The following ARHGEF10L variants were observed in gnomAD, a reference collection of about 807,000 sequenced individuals.
ARHGEF10L encodes Rho guanine nucleotide exchange factor 10 like.
ARHGEF10L carries 69 observed loss-of-function variants against 141.2 expected under a neutral mutation model. The observed-to-expected ratio is 0.49, with a 90% CI of 0.40 to 0.60. ARHGEF10L has a LOEUF of 0.60. Ranked by LOEUF, ARHGEF10L falls within the 20% of genes least tolerant of loss-of-function variation. The pLI, the probability that ARHGEF10L is intolerant of heterozygous loss-of-function variation, is 0.00. For missense variants in ARHGEF10L, 1,482 were observed against 1,734.3 expected (o/e 0.85, Z 2.58); for synonymous variants, 711 against 718.5 (o/e 0.99, Z 0.17).
intron 4 of ARHGEF10L, among the ~76,000 whole-genome samples, chr1:17,592,631 G>A (rs1055847643): frequency 1.3e-5 from 2 of 152,182 alleles, no homozygotes; most frequent in African/African-American, 4.8e-5. Context: ...GCTAGGTGTG[G>A]GGGACATAGG....
At chr1:17,632,189 G>A in intron 15 of ARHGEF10L, 132 bp from the exon 16 acceptor site, 4 of 1,113,404 alleles carry the variant, frequency 3.6e-6, no homozygotes, top group Non-Finnish European at 3.9e-6. Flanking sequence ...GGGATGGAGG[G>A]AGTGGCTTCA....
chr1:17,603,658 G>T lies in ARHGEF10L; in HGVS notation c.433+67G>T. 7.0e-7 allele frequency: 1 copy of T among 1,423,556 alleles called. No individual in the cohort carries two copies. The highest frequency in any genetic ancestry group is 1.3e-5 in the South Asian group (1 of 75,362). The allele number at this position is 1,423,556 out of a possible 1,614,324, so 88.2% of individuals were successfully genotyped here. ...GGGAGGGAGGCTGGGACTGGGGAGG[G>T]TTGTCTCTTTCCGTTTCCTTCTGTC... On this transcript the variant is annotated intron_variant, in intron 6 of 28. Coordinates refer to ENST00000361221, the MANE Select transcript of ARHGEF10L (RefSeq NM_018125.4). The surrounding 1 kb of genome is among the most constrained non-coding windows in gnomAD (Gnocchi z 4.8).
At chr1:17,560,931 T>C (rs2077521133) in intron 1 of ARHGEF10L, among the ~76,000 whole-genome samples, 1 of 152,230 alleles carries the variant, frequency 6.6e-6, no homozygotes, top group African/African-American at 2.4e-5. Context: ...CCACAGTTTC[T>C]GTCCTCTGGG....
rs752976461 is a variant in ARHGEF10L at position 17,697,740 on chromosome 1, G to A, written c.*360G>A. 9 of 491,834 alleles carry A rather than the reference G, an allele frequency of 1.8e-5. No homozygotes were observed. Among genetic ancestry groups the A allele is most frequent in the African/African-American group, 9.7e-5 (5 of 51,660 alleles). 30.5% of individuals were successfully genotyped at this position (491,834 alleles called of 1,614,324 possible). A position where few individuals can be genotyped will look rare whatever the true frequency, so the allele number is the denominator to read the frequency against. On this transcript the variant is annotated 3_prime_UTR_variant, in exon 29 of 29. Coordinates refer to ENST00000361221, the MANE Select transcript of ARHGEF10L (RefSeq NM_018125.4). This position sits in a 1 kb window ranked among gnomAD's most constrained non-coding sequence, Gnocchi z 4.8. Reference sequence around the variant, plus strand: ...AGGGTGTGTGCGTGTGAGTGTGTGCGAGTGTGTGGGCTGGTGTGTGAATAT... The same window carrying A: ...AGGGTGTGTGCGTGTGAGTGTGTGCAAGTGTGTGGGCTGGTGTGTGAATAT...
rs2078076959 is a variant in ARHGEF10L at position 17,573,166 on chromosome 1, T to G, written c.-43-7387T>G. Among the ~76,000 whole-genome samples, 1 of 152,146 alleles carries G rather than the reference T, an allele frequency of 6.6e-6. No homozygotes were observed. Among genetic ancestry groups the G allele is most frequent in the African/African-American group, 2.4e-5 (1 of 41,422 alleles). On this transcript the variant is annotated intron_variant, in intron 1 of 28. Coordinates refer to ENST00000361221, the MANE Select transcript of ARHGEF10L (RefSeq NM_018125.4). This position sits in a 1 kb window ranked among gnomAD's most constrained non-coding sequence, Gnocchi z 4.8. ...GGGTAGGTCCCTTCCCATCTGAGCC[T>G]CAGCTTCCCTGTGTCTAAAAAGGAG...
intron 4 of ARHGEF10L, among the ~76,000 whole-genome samples, chr1:17,597,628 T>C (rs1439920706): frequency 6.6e-6 from 1 of 152,304 alleles, no homozygotes; most frequent in East Asian, 1.9e-4. Flanking sequence ...GAGGTGGTCC[T>C]GAGAGCAAGG....
intron 4 of ARHGEF10L, among the ~76,000 whole-genome samples, chr1:17,589,725 G>T (rs1557759916): frequency 6.6e-6 from 1 of 152,202 alleles, no homozygotes; most frequent in South Asian, 2.1e-4. Flanking sequence ...CCTGCACCTG[G>T]GCTGGGAAGG....
intron 1 of ARHGEF10L, among the ~76,000 whole-genome samples, chr1:17,565,574 C>T (rs138727232): frequency 1.2e-4 from 18 of 152,356 alleles, no homozygotes; most frequent in African/African-American, 4.1e-4. Context: ...AGCCCAGCTG[C>T]TATTGTCAAC....
intron 22 of ARHGEF10L, among the ~76,000 whole-genome samples, chr1:17,652,563 T>G (rs1289225971): frequency 6.6e-6 from 1 of 152,202 alleles, no homozygotes; most frequent in Non-Finnish European, 1.5e-5. Context: ...GAGGACACCC[T>G]GGTCCCCAGG....
chr1:17,577,719 G>A (rs1354146363), intron 1 of ARHGEF10L, among the ~76,000 whole-genome samples: 2 of 152,360 alleles, frequency 1.3e-5, no homozygotes, highest in East Asian at 3.9e-4. Context: ...TCAGAGGATT[G>A]AGATTAGGCT....
intron 1 of ARHGEF10L, among the ~76,000 whole-genome samples, chr1:17,541,361 C>T (rs1280495179): frequency 1.3e-5 from 2 of 152,200 alleles, no homozygotes; most frequent in Non-Finnish European, 2.9e-5. Flanking sequence ...CCATGTCTGT[C>T]CTTGATCACA....
chr1:17,625,836 G>A lies in ARHGEF10L; in HGVS notation c.1318-120G>A. 1 of 806,588 alleles carries A rather than the reference G, an allele frequency of 1.2e-6. No individual in the cohort carries two copies. The highest frequency in any genetic ancestry group is 2.0e-6 in the Non-Finnish European group (1 of 494,782). 50.0% of individuals were successfully genotyped at this position (806,588 alleles called of 1,614,324 possible). A position where few individuals can be genotyped will look rare whatever the true frequency, so the allele number is the denominator to read the frequency against. On this transcript the variant is annotated intron_variant, in intron 13 of 28. Transcript: ENST00000361221. The surrounding 1 kb of genome is among the most constrained non-coding windows in gnomAD (Gnocchi z 4.5). ...CTCTCAGCTCTTCTTGCAAGCCCAG[G>A]GATAGGCAGGGTCTTAGGGCCTGGG...
At chr1:17,677,649 A>G (rs2063808515) in intron 26 of ARHGEF10L, among the ~76,000 whole-genome samples, 1 of 152,148 alleles carries the variant, frequency 6.6e-6, no homozygotes, top group South Asian at 2.1e-4. Context: ...ATTAAGACTC[A>G]TGGGTCCCAG....
At chr1:17,681,702 A>G (rs973918974) in intron 26 of ARHGEF10L, among the ~76,000 whole-genome samples, 4 of 152,136 alleles carry the variant, frequency 2.6e-5, no homozygotes, top group African/African-American at 7.2e-5. Context: ...CGTCCTGATC[A>G]CTTGGTTAGG....
At chr1:17,678,514 G>T (rs1247002136) in intron 26 of ARHGEF10L, among the ~76,000 whole-genome samples, 1 of 150,218 alleles carries the variant, frequency 6.7e-6, no homozygotes, top group Non-Finnish European at 1.5e-5. Context: ...CTGCCTCCCA[G>T]GTTCAGGCGA....
At chr1:17,613,388 C>T (rs1055272015) in intron 8 of ARHGEF10L, among the ~76,000 whole-genome samples, 1 of 152,222 alleles carries the variant, frequency 6.6e-6, no homozygotes, top group Non-Finnish European at 1.5e-5. Context: ...GTTCTCACCC[C>T]TATCTTTCTC....
upstream of ARHGEF10L, among the ~76,000 whole-genome samples, chr1:17,539,505 T>C (rs977378793): frequency 1.1e-4 from 16 of 151,408 alleles, no homozygotes; most frequent in Admixed American, 9.2e-4. This position sits in a 1 kb window ranked among gnomAD's most constrained non-coding sequence, Gnocchi z 6.0. Context: ...GGCCTCAGTT[T>C]CCCCCCTGTA....
intron 16 of ARHGEF10L, among the ~76,000 whole-genome samples, chr1:17,633,509 A>G (rs1193164201): frequency 6.6e-6 from 1 of 151,162 alleles, no homozygotes; most frequent in Non-Finnish European, 1.5e-5. Flanking sequence ...ACACCTAGCT[A>G]ATTTTTTTTT....
Position 17,550,264 on chromosome 1 carries a change from G to A in ARHGEF10L, c.-44+10314G>A, listed in dbSNP as rs190954825. ...GAGTGGTGGTGTCATGAAAGGAGAC[G>A]GTTAAGAGGGAGTGAGGAGCATGGC... On this transcript the variant is annotated intron_variant, in intron 1 of 28. Transcript: ENST00000361221. Among the ~76,000 whole-genome samples, 237 of 152,314 alleles carry A rather than the reference G, an allele frequency of 1.6e-3. 1 individual carries two copies. The highest frequency in any genetic ancestry group is 5.5e-3 in the African/African-American group (227 of 41,574).
Sources: gnomAD v4.1 joint callset for allele counts (sites outside exome capture counted in the v4.1 genomes callset) on GRCh38, gnomAD v4.1.1 for gene constraint, Gnocchi (gnomAD v3.1) non-coding constraint, MANE v1.5 for transcripts, NCBI Gene and HGNC (gene_info 2026-07-23, HGNC 2026-07-21) for gene names.